Variants in CERT1 observed in about 807,000 individuals in gnomAD.
CERT1 encodes the protein ceramide transporter 1.
In CERT1, 31 loss-of-function variants were observed where a neutral mutation model predicts 87.9. The ratio of observed to expected loss-of-function variants is 0.35; its 90% CI spans 0.27 to 0.48. The LOEUF is 0.48. CERT1 is among the 20% of genes least tolerant of loss of function. The pLI is 0.99. For synonymous variants in CERT1, 289 were observed against 250.9 expected (o/e 1.15, Z -1.44); for missense variants, 487 against 758.0 (o/e 0.64, Z 4.20).
chr5:75,493,225 T>G (rs187560353), intron 2 of CERT1, among the ~76,000 whole-genome samples: 1 of 152,346 alleles, frequency 6.6e-6, no homozygotes, highest in Non-Finnish European at 1.5e-5. Context: ...CAACAATTAT[T>G]AACTCATGGT....
At chr5:75,480,764 T>G (rs1320557337) in intron 2 of CERT1, among the ~76,000 whole-genome samples, 3 of 152,204 alleles carry the variant, frequency 2.0e-5, no homozygotes, top group Non-Finnish European at 2.9e-5. Flanking sequence ...AATAATCTGA[T>G]TTCTCATTTC....
intron 3 of CERT1, among the ~76,000 whole-genome samples, chr5:75,453,457 T>G (rs1430587278): frequency 6.6e-6 from 1 of 152,160 alleles, no homozygotes; most frequent in Non-Finnish European, 1.5e-5. Flanking sequence ...AGCCCATGAT[T>G]TATGTCAACA....
In CERT1 at chr5:75,510,954, C is replaced by G. The variant is rs773907329; in HGVS notation, c.96+158G>C. 3.3e-5 allele frequency among the ~76,000 whole-genome samples: 5 copies of G among 152,172 alleles called. No homozygotes were observed. The South Asian group carries it at 1.0e-3, about 32-fold the overall frequency. ...AGCCCCCGGGCAACAAGGACAGTGC[C>G]CCTATATCCCCGCCTCATCCCTAGT... On this transcript the variant is annotated intron_variant, in intron 1 of 16. Transcript: ENST00000643780.
chr5:75,382,773 G>C (rs1216417001), intron 14 of CERT1, among the ~76,000 whole-genome samples: 1 of 151,578 alleles, frequency 6.6e-6, no homozygotes, highest in African/African-American at 2.4e-5. Context: ...GTAATAAATA[G>C]CATACAATAC....
intron 2 of CERT1, among the ~76,000 whole-genome samples, chr5:75,471,625 G>T (rs1211467240): frequency 6.6e-6 from 1 of 151,968 alleles, no homozygotes; most frequent in Non-Finnish European, 1.5e-5. Context: ...TGGGCATGGT[G>T]GCGCATGCCT....
chr5:75,383,015 A>T (rs1197074926), intron 14 of CERT1, among the ~76,000 whole-genome samples: 7 of 152,150 alleles, frequency 4.6e-5, no homozygotes, highest in African/African-American at 1.7e-4. Flanking sequence ...ACTGCAAAAG[A>T]TGTCAAATTT....
downstream of CERT1, chr5:75,376,330 A>C (rs1761314448): frequency 6.6e-6 from 1 of 152,196 alleles, no homozygotes; most frequent in Non-Finnish European, 1.5e-5. Flanking sequence ...ACCTTTGGTA[A>C]GGAAGTCATC....
At chr5:75,485,680 T>A (rs1213363145) in intron 2 of CERT1, among the ~76,000 whole-genome samples, 1 of 152,008 alleles carries the variant, frequency 6.6e-6, no homozygotes, top group African/African-American at 2.4e-5. Flanking sequence ...AGGGAGACAT[T>A]ATAACTGATA....
chr5:75,389,853 A>G (rs1278236487), intron 11 of CERT1, among the ~76,000 whole-genome samples, 166 bp from the exon 12 acceptor site: 4 of 152,232 alleles, frequency 2.6e-5, no homozygotes, highest in Non-Finnish European at 5.9e-5. Context: ...AGTTTAGTCC[A>G]CATTCCAGAT....
Position 75,511,608 on chromosome 5 carries a change from C to T in CERT1, c.-401G>A. ...CTCACACCTCCGCTACCGCCGCCAT[C>T]TTCCTGCCTGGCCCACTATTTACCC... On this transcript the variant is annotated 5_prime_UTR_variant, in exon 1 of 17. Transcript: ENST00000643780. 6.1e-6 allele frequency: 9 copies of T among 1,470,200 alleles called. No homozygotes were observed. Among genetic ancestry groups the T allele is most frequent in the Non-Finnish European group, 8.1e-6 (9 of 1,109,980 alleles). 91.1% of individuals were successfully genotyped at this position (1,470,200 alleles called of 1,614,324 possible).
chr5:75,411,482 T>C (rs990569171), intron 7 of CERT1, among the ~76,000 whole-genome samples: 1 of 152,124 alleles, frequency 6.6e-6, no homozygotes, highest in African/African-American at 2.4e-5. Context: ...CCCAGCTAAT[T>C]TTGGTATTTT....
At chr5:75,469,681 G>A (rs1267517188) in intron 2 of CERT1, among the ~76,000 whole-genome samples, 1 of 151,962 alleles carries the variant, frequency 6.6e-6, no homozygotes, top group African/African-American at 2.4e-5. Context: ...AGTAAGAATA[G>A]AAAACAATTA....
downstream of CERT1, chr5:75,374,732 A>T: frequency 3.4e-6 from 2 of 581,692 alleles, no homozygotes; most frequent in Non-Finnish European, 6.6e-6. Context: ...CGATCTCATG[A>T]AGGAGAAGGA....
chr5:75,388,080 A>C (rs981346918), intron 12 of CERT1, among the ~76,000 whole-genome samples: 2 of 152,194 alleles, frequency 1.3e-5, no homozygotes, highest in African/African-American at 4.8e-5. Flanking sequence ...AAGAGCATAC[A>C]TCCTGGCCTG....
At chr5:75,490,597 C>T (rs1032994673) in intron 2 of CERT1, among the ~76,000 whole-genome samples, 1 of 152,074 alleles carries the variant, frequency 6.6e-6, no homozygotes, top group Non-Finnish European at 1.5e-5. Flanking sequence ...CTCCTGGGTT[C>T]ATGCCCTTCT....
At chr5:75,483,030 A>C (rs1289019353) in intron 2 of CERT1, among the ~76,000 whole-genome samples, 1 of 152,226 alleles carries the variant, frequency 6.6e-6, no homozygotes, top group African/African-American at 2.4e-5. Context: ...TGACCTCACC[A>C]AACAAACTAA....
chr5:75,444,994 C>T (rs759310578), intron 3 of CERT1, among the ~76,000 whole-genome samples: 1 of 152,162 alleles, frequency 6.6e-6, no homozygotes, highest in African/African-American at 2.4e-5. Context: ...AGCTTAACTT[C>T]AGTAACATAC....
intron 9 of CERT1, chr5:75,402,195 G>T (rs1223378715): frequency 6.6e-6 from 1 of 152,192 alleles, no homozygotes; most frequent in Admixed American, 6.5e-5. Context: ...GAAAGAAACT[G>T]AAGGTGAAGT....
At chr5:75,455,160 A>G (rs962928272) in intron 3 of CERT1, among the ~76,000 whole-genome samples, 5 of 152,176 alleles carry the variant, frequency 3.3e-5, no homozygotes, top group African/African-American at 9.7e-5. Context: ...AAAGGGCCCA[A>G]TTCTTCTTCA....
Sources: allele counts gnomAD v4.1 joint callset (sites outside exome capture counted in the v4.1 genomes callset), GRCh38; gene constraint gnomAD v4.1.1; transcripts MANE v1.5; gene names NCBI Gene and HGNC (gene_info 2026-07-23, HGNC 2026-07-21).